The following LINGO2 variants were observed in gnomAD, a reference collection of about 807,000 sequenced individuals.
LINGO2 encodes the protein leucine-rich repeat and immunoglobulin-like domain-containing nogo receptor-interacting protein 2.
In LINGO2, 14 loss-of-function variants were observed where a neutral mutation model predicts 30.6. The ratio of observed to expected loss-of-function variants is 0.46; its 90% confidence interval spans 0.30 to 0.72. LINGO2 has a LOEUF of 0.72. Among genes scored for constraint, LINGO2 ranks in the 30% least tolerant of loss-of-function variants. The pLI is 0.07. For missense variants in LINGO2, 729 were observed against 751.7 expected, an observed-to-expected ratio of 0.97 and a Z score of 0.35; for synonymous variants, 317 against 288.5, an observed-to-expected ratio of 1.10 and a Z score of -1.00.
the LINGO2 span, among the ~76,000 whole-genome samples, chr9:28,998,399 TC>T: frequency 6.6e-6 from 1 of 152,150 alleles, no homozygotes; most frequent in Non-Finnish European, 1.5e-5. Context: ...AATTATGTTT[TC>T]CCTTTTTAAC....
intron 4 of LINGO2, among the ~76,000 whole-genome samples, chr9:28,119,855 G>A (rs1174222441): frequency 6.6e-6 from 1 of 152,030 alleles, no homozygotes; most frequent in African/African-American, 2.4e-5. Flanking sequence ...AAATAAACAA[G>A]CACAAAAACA....
the LINGO2 span, among the ~76,000 whole-genome samples, chr9:29,125,098 A>G: frequency 5.5e-4 from 84 of 152,306 alleles, no homozygotes; most frequent in Non-Finnish European, 9.7e-4. Flanking sequence ...GAATGAGTTC[A>G]TGTCTTTACA....
chr9:28,287,010 T>C (rs1442471523), intron 4 of LINGO2, among the ~76,000 whole-genome samples: 1 of 152,176 alleles, frequency 6.6e-6, no homozygotes, highest in African/African-American at 2.4e-5. Flanking sequence ...TAGATATTCA[T>C]TCATTCAGTC....
chr9:29,199,169 A>G, the LINGO2 span, among the ~76,000 whole-genome samples: 1 of 152,092 alleles, frequency 6.6e-6, no homozygotes, highest in Admixed American at 6.6e-5. Context: ...TGCAGTGTCT[A>G]AAGGAAAAGA....
intron 2 of LINGO2, among the ~76,000 whole-genome samples, chr9:28,428,207 A>G (rs1823491453): frequency 6.6e-6 from 1 of 152,182 alleles, no homozygotes; most frequent in African/African-American, 2.4e-5. Flanking sequence ...ACAGAACAGT[A>G]AACAAAACAG....
intron 4 of LINGO2, among the ~76,000 whole-genome samples, chr9:28,062,162 C>T (rs1034012029): frequency 6.6e-6 from 1 of 151,944 alleles, no homozygotes; most frequent in African/African-American, 2.4e-5. Flanking sequence ...GCTAGGGAAG[C>T]GGTTTCAAAT....
intron 3 of LINGO2, among the ~76,000 whole-genome samples, chr9:28,349,668 G>C (rs1466476490): frequency 2.2e-5 from 3 of 138,078 alleles, no homozygotes; most frequent in Non-Finnish European, 4.7e-5. Context: ...GATACTCCTC[G>C]AGAAGAGCAA....
chr9:29,098,880 T>C, the LINGO2 span, among the ~76,000 whole-genome samples: 3 of 151,646 alleles, frequency 2.0e-5, no homozygotes, highest in Admixed American at 6.6e-5. Context: ...AGAAAAAAAA[T>C]CCTAAAATTT....
At chr9:28,652,964 T>C (rs945673467) in intron 1 of LINGO2, among the ~76,000 whole-genome samples, 3 of 152,144 alleles carry the variant, frequency 2.0e-5, no homozygotes, top group African/African-American at 7.2e-5. Context: ...AAATTGATAG[T>C]AAGGATATAG....
chr9:28,411,267 C>A (rs1406427022), intron 2 of LINGO2, among the ~76,000 whole-genome samples: 1 of 151,848 alleles, frequency 6.6e-6, no homozygotes, highest in African/African-American at 2.4e-5. Context: ...TTTTTAGGAT[C>A]TATTTCAAAA....
chr9:29,071,497 ATATATATATATATATATATATGTATATG>A, the LINGO2 span, among the ~76,000 whole-genome samples: 3 of 119,074 alleles, frequency 2.5e-5, no homozygotes, highest in African/African-American at 1.1e-4. Flanking sequence ...ATATATATAT[ATATATATATATATATATATATGTATATG>A]TATATACACA....
At chr9:28,357,879 T>C (rs1174195260) in intron 3 of LINGO2, among the ~76,000 whole-genome samples, 1 of 152,172 alleles carries the variant, frequency 6.6e-6, no homozygotes, top group African/African-American at 2.4e-5. Context: ...TCAATACATA[T>C]TAGCTACATT....
chr9:28,388,603 C>T (rs1564168516), intron 2 of LINGO2, among the ~76,000 whole-genome samples: 2 of 152,126 alleles, frequency 1.3e-5, no homozygotes, highest in Non-Finnish European at 2.9e-5. Context: ...TTTTGCCAAT[C>T]CTGTATCTCA....
chr9:28,721,062 A>AT, the LINGO2 span, among the ~76,000 whole-genome samples: 3 of 152,070 alleles, frequency 2.0e-5, no homozygotes, highest in African/African-American at 4.8e-5. Context: ...ACAAACATAT[A>AT]TAAAAAAAGC....
At position 28,624,000 on chromosome 9, in the gene LINGO2, A is replaced by G. The variant is rs75007151; in HGVS notation, c.-365+46200T>C. Among the ~76,000 whole-genome samples, 486 of 152,216 alleles carry G rather than the reference A, an allele frequency of 3.2e-3. 1 individual carries two copies. Among genetic ancestry groups the G allele is most frequent in the African/African-American group, 0.011 (469 of 41,568 alleles). ...CATTGTTCATTGTTGGCAAATAGAA[A>G]TGCTACTGCTTTGTAGGTTGATTTG... On this transcript the variant is annotated intron_variant, in intron 1 of 5. Coordinates refer to ENST00000379992, the Ensembl canonical transcript of LINGO2.
chr9:28,905,863 T>C, the LINGO2 span, among the ~76,000 whole-genome samples: 1 of 152,046 alleles, frequency 6.6e-6, no homozygotes, highest in African/African-American at 2.4e-5. Flanking sequence ...CACGCCCATG[T>C]TCAGTGCAGC....
intron 4 of LINGO2, among the ~76,000 whole-genome samples, chr9:28,036,649 G>T (rs768890950): frequency 6.6e-6 from 1 of 152,190 alleles, no homozygotes; most frequent in East Asian, 1.9e-4. Context: ...CCCAAAGATT[G>T]GTGCAACCTA....
At chr9:27,962,179 T>C (rs1409237570) in intron 5 of LINGO2, among the ~76,000 whole-genome samples, 1 of 152,222 alleles carries the variant, frequency 6.6e-6, no homozygotes, top group East Asian at 1.9e-4. Flanking sequence ...AGTTCGTTTT[T>C]GAATTGACGG....
At chr9:28,511,853 C>T (rs568334829) in intron 1 of LINGO2, among the ~76,000 whole-genome samples, 1 of 152,304 alleles carries the variant, frequency 6.6e-6, no homozygotes, top group Middle Eastern at 3.4e-3. Context: ...GATTTCCCTT[C>T]ACCACTGTCC....
Sources: gnomAD v4.1 joint callset for allele counts (sites outside exome capture counted in the v4.1 genomes callset) on GRCh38, gnomAD v4.1.1 for gene constraint, MANE v1.5 for transcripts, NCBI Gene and HGNC (gene_info 2026-07-23, HGNC 2026-07-21) for gene names.